Variants in GAD2 observed in about 807,000 individuals in gnomAD.
GAD2 encodes the protein glutamate decarboxylase 2, also known as 65 kDa glutamic acid decarboxylase.
In GAD2, 22 loss-of-function variants were observed where a neutral mutation model predicts 80.1. The ratio of observed to expected loss-of-function variants is 0.27; its 90% confidence interval spans 0.20 to 0.39. The LOEUF is 0.39. Ranked by LOEUF, GAD2 falls within the 10% of genes least tolerant of loss-of-function variation. The probability of loss-of-function intolerance (pLI) is 1.00; values close to 1 mark genes in which losing one functional copy is unlikely to be tolerated. For missense variants in GAD2, 624 were observed against 738.4 expected (o/e 0.85, Z 1.80); for synonymous variants, 274 against 256.9 (o/e 1.07, Z -0.64).
intron 7 of GAD2, among the ~76,000 whole-genome samples, chr10:26,233,658 C>A (rs1844633838): frequency 6.6e-6 from 1 of 152,204 alleles, no homozygotes; most frequent in Admixed American, 6.5e-5. Context: ...TTGGTCTTTT[C>A]AGATTTTACA....
chr10:26,218,551 T>TCTCTCTCTCACACA (rs748110324), intron 3 of GAD2, among the ~76,000 whole-genome samples: 309 of 118,848 alleles, frequency 2.6e-3, no homozygotes, highest in African/African-American at 9.2e-3. Flanking sequence ...TCTCTCTCTC[T>TCTCTCTCTCACACA]CACACACACA....
intron 4 of GAD2, among the ~76,000 whole-genome samples, chr10:26,220,185 A>C (rs3781118): frequency 0.061 from 9,293 of 152,228 alleles, 361 homozygotes; most frequent in Non-Finnish European, 0.085. Context: ...TCATTACGGC[A>C]ATAAAAATAA....
At chr10:26,270,882 G>A (rs1845129322) in intron 10 of GAD2, 126 bp downstream of exon 10, 2 of 732,446 alleles carry the variant, frequency 2.7e-6, no homozygotes, top group East Asian at 2.5e-5. Flanking sequence ...TGATATTAAA[G>A]CTTTTAAAGC....
At chr10:26,245,137 G>C (rs1844788761) in intron 7 of GAD2, among the ~76,000 whole-genome samples, 1 of 131,826 alleles carries the variant, frequency 7.6e-6, no homozygotes. Flanking sequence ...TGGGCGACAA[G>C]AGCAAAACTC....
intron 8 of GAD2, among the ~76,000 whole-genome samples, chr10:26,260,184 A>G (rs920955493): frequency 5.3e-5 from 8 of 152,224 alleles, no homozygotes; most frequent in Non-Finnish European, 1.2e-4. Context: ...TACAATTCTC[A>G]TTCACTATTT....
intron 15 of GAD2, among the ~76,000 whole-genome samples, chr10:26,299,777 G>A (rs950185325): frequency 3.3e-5 from 5 of 152,302 alleles, no homozygotes; most frequent in African/African-American, 1.2e-4. Context: ...TATGTTTACA[G>A]CTTAAAGGAA....
chr10:26,247,919 G>GAAAAAAAAAAAAAGGAAAAGA, intron 8 of GAD2, among the ~76,000 whole-genome samples: 1 of 130,964 alleles, frequency 7.6e-6, no homozygotes, highest in Admixed American at 8.3e-5. Context: ...AAAAGGAAAA[G>GAAAAAAAAAAAAAGGAAAAGA]AAAAAAAAAA....
At chr10:26,298,616 A>G (rs534692508) in intron 15 of GAD2, among the ~76,000 whole-genome samples, 1 of 152,210 alleles carries the variant, frequency 6.6e-6, no homozygotes, top group Non-Finnish European at 1.5e-5. Flanking sequence ...TGGATTACCC[A>G]TGAAAACTAA....
At chr10:26,290,574 T>G (rs1235934739) in intron 13 of GAD2, among the ~76,000 whole-genome samples, 3 of 152,296 alleles carry the variant, frequency 2.0e-5, no homozygotes, top group Non-Finnish European at 4.4e-5. Context: ...TAACAGAGCC[T>G]GAACTAGGGT....
At chr10:26,233,219 G>A (rs757226413) in intron 7 of GAD2, among the ~76,000 whole-genome samples, 2 of 152,306 alleles carry the variant, frequency 1.3e-5, no homozygotes, top group African/African-American at 4.8e-5. Context: ...TCCATGCACC[G>A]ACTACCACTG....
At chr10:26,240,233 T>G (rs1844723574) in intron 7 of GAD2, among the ~76,000 whole-genome samples, 1 of 152,230 alleles carries the variant, frequency 6.6e-6, no homozygotes, top group Non-Finnish European at 1.5e-5. Context: ...AAGGAGCTCA[T>G]GCTGCACCCT....
At chr10:26,251,818 A>G (rs2132292329) in intron 8 of GAD2, among the ~76,000 whole-genome samples, 1 of 152,334 alleles carries the variant, frequency 6.6e-6, no homozygotes, top group African/African-American at 2.4e-5. Flanking sequence ...CTTTGACTCT[A>G]TATTGATAAT....
chr10:26,218,039 C>A, intron 3 of GAD2, 48 bp downstream of exon 3: 1 of 1,525,960 alleles, frequency 6.6e-7, no homozygotes, highest in Non-Finnish European at 8.8e-7. Context: ...CCTCTCTCTG[C>A]CCCGCCCACC....
intron 7 of GAD2, among the ~76,000 whole-genome samples, chr10:26,243,578 T>C (rs184966716): frequency 9.3e-4 from 142 of 152,330 alleles, no homozygotes; most frequent in African/African-American, 3.0e-3. Flanking sequence ...ATTACAACCA[T>C]TGAGACACAC....
intron 8 of GAD2, among the ~76,000 whole-genome samples, chr10:26,250,468 T>G (rs1438217658): frequency 1.3e-5 from 2 of 152,130 alleles, no homozygotes; most frequent in East Asian, 3.9e-4. Flanking sequence ...GGCTCGGGGC[T>G]TTCTCCCTTT....
In GAD2 at chr10:26,279,204, C is replaced by T. The variant is rs376115602; in HGVS notation, c.1158-1805C>T. On this transcript the variant is annotated intron_variant, in intron 11 of 15. Transcript: ENST00000376261. Reference sequence around the variant, plus strand: ...TTTTCCCAGAATCCAAACAGGAGCACGGTGGAAGTGAGGGAGAGAAGCCGC... The same window carrying T: ...TTTTCCCAGAATCCAAACAGGAGCATGGTGGAAGTGAGGGAGAGAAGCCGC... 1.4e-4 allele frequency among the ~76,000 whole-genome samples: 21 copies of T among 151,882 alleles called. No individual in the cohort carries two copies. The South Asian group carries it at 2.1e-3, about 15-fold the overall frequency.
At chr10:26,243,127 C>G (rs1844763946) in intron 7 of GAD2, among the ~76,000 whole-genome samples, 1 of 152,096 alleles carries the variant, frequency 6.6e-6, no homozygotes, top group Non-Finnish European at 1.5e-5. Context: ...TCCTAGGTAT[C>G]ACGGTAATGA....
At chr10:26,231,041 G>C (rs1188277274) in intron 7 of GAD2, among the ~76,000 whole-genome samples, 1 of 152,136 alleles carries the variant, frequency 6.6e-6, no homozygotes, top group East Asian at 1.9e-4. Flanking sequence ...AGTGAGAAGA[G>C]ATCGCATCAC....
At position 26,301,001 on chromosome 10, in the gene GAD2, C is replaced by A. The variant is rs1232737874; in HGVS notation, c.*40C>A. ...AAGCTGTTCCACTTCTCTAGGTAGA[C>A]AATTAAGTTGTCACAAACTGTGTGA... is the stretch of plus-strand genomic sequence containing the variant. On this transcript the variant is annotated 3_prime_UTR_variant, in exon 16 of 16. Coordinates refer to ENST00000376261, the MANE Select transcript of GAD2 (RefSeq NM_001134366.2). 4 of 1,522,554 alleles carry A rather than the reference C, an allele frequency of 2.6e-6. No individual in the cohort carries two copies. The East Asian group carries it at 9.0e-5, about 34-fold the overall frequency. 94.3% of individuals were successfully genotyped at this position (1,522,554 alleles called of 1,614,324 possible).
Sources: allele counts gnomAD v4.1 joint callset (sites outside exome capture counted in the v4.1 genomes callset), GRCh38; gene constraint gnomAD v4.1.1; transcripts MANE v1.5; gene names NCBI Gene and HGNC (gene_info 2026-07-23, HGNC 2026-07-21).